NAV2: variants seen among roughly 807,000 people sequenced by gnomAD.
NAV2 encodes the protein neuron navigator 2.
A neutral mutation model predicts 223.2 loss-of-function variants in NAV2; 54 were observed. The ratio of observed to expected loss-of-function variants is 0.24; its 90% CI spans 0.19 to 0.30. The LOEUF (loss-of-function observed/expected upper bound fraction) is 0.30, where lower values mean the gene tolerates loss of function less well. Among genes scored for constraint, NAV2 ranks in the 10% least tolerant of loss-of-function variants. The probability of loss-of-function intolerance (pLI) is 1.00; values close to 1 mark genes in which losing one functional copy is unlikely to be tolerated. For synonymous variants in NAV2, 1,279 were observed against 1,239.3 expected (o/e 1.03, Z -0.67); for missense variants, 2,806 against 3,147.5 (o/e 0.89, Z 2.60).
At chr11:20,062,972 C>T (rs370278103) in intron 20 of NAV2, among the ~76,000 whole-genome samples, 4 of 152,214 alleles carry the variant, frequency 2.6e-5, no homozygotes, top group African/African-American at 2.4e-5. Context: ...GCATTACAGG[C>T]GTGAGCCATG....
chr11:19,815,105 C>T (rs866007224), intron 1 of NAV2, among the ~76,000 whole-genome samples: 83 of 152,104 alleles, frequency 5.5e-4, no homozygotes, highest in African/African-American at 1.9e-3. Flanking sequence ...AAGATAAGAA[C>T]GATGTGGGTA....
intron 9 of NAV2, among the ~76,000 whole-genome samples, chr11:19,947,345 A>G (rs1321522690): frequency 6.6e-6 from 1 of 152,240 alleles, no homozygotes; most frequent in Non-Finnish European, 1.5e-5. Context: ...GAAAACAAAA[A>G]CAGCTTAAGG....
chr11:19,877,355 C>T (rs1332344039), intron 4 of NAV2, among the ~76,000 whole-genome samples: 3 of 152,048 alleles, frequency 2.0e-5, no homozygotes, highest in Non-Finnish European at 2.9e-5. Context: ...TTCATCTATC[C>T]CCATAATTAG....
chr11:19,397,779 G>A (rs1487313699), intron 1 of NAV2, among the ~76,000 whole-genome samples: 4 of 152,144 alleles, frequency 2.6e-5, no homozygotes, highest in Non-Finnish European at 5.9e-5. Flanking sequence ...GGTGAGGTAC[G>A]TCTCCCCTCT....
intron 6 of NAV2, chr11:19,931,912 T>C (rs10833196): frequency 0.57 from 86,539 of 152,174 alleles, 25,525 homozygotes; most frequent in East Asian, 0.75. Flanking sequence ...CGGGGCCCAG[T>C]GGAGACGTGC....
chr11:19,941,026 C>T (rs1034409272), intron 8 of NAV2, among the ~76,000 whole-genome samples: 15 of 152,190 alleles, frequency 9.9e-5, no homozygotes, highest in African/African-American at 1.9e-4. Flanking sequence ...GCGAGGCCAA[C>T]GCTTCAGATC....
At chr11:19,799,164 T>G (rs566806966) in intron 1 of NAV2, among the ~76,000 whole-genome samples, 1 of 152,296 alleles carries the variant, frequency 6.6e-6, no homozygotes, top group East Asian at 1.9e-4. Flanking sequence ...CAGACGTGCC[T>G]TTTCCCGCTG....
At chr11:19,621,734 GT>G (rs1013896665) in intron 1 of NAV2, among the ~76,000 whole-genome samples, 7 of 151,668 alleles carry the variant, frequency 4.6e-5, no homozygotes, top group African/African-American at 9.7e-5. Context: ...TTTTTGAAGT[GT>G]TTTTTTTGTC....
chr11:19,625,954 C>T (rs58460980), intron 1 of NAV2, among the ~76,000 whole-genome samples: 1,770 of 152,046 alleles, frequency 0.012, 37 homozygotes, highest in East Asian at 0.063. Flanking sequence ...ATGAGTAGTT[C>T]GTGACCATTT....
At chr11:20,049,438 T>C (rs1022991888) in intron 15 of NAV2, 2 of 544,444 alleles carry the variant, frequency 3.7e-6, no homozygotes, top group African/African-American at 3.8e-5. Context: ...GGGGCAGATT[T>C]ATGCTACCAT....
At chr11:19,911,913 C>G (rs1440592727) in intron 6 of NAV2, among the ~76,000 whole-genome samples, 1 of 152,148 alleles carries the variant, frequency 6.6e-6, no homozygotes, top group African/African-American at 2.4e-5. Context: ...TCTGGGCCAC[C>G]TAAATTCTAG....
chr11:19,753,223 C>T (rs2053976509), intron 1 of NAV2, among the ~76,000 whole-genome samples: 1 of 152,158 alleles, frequency 6.6e-6, no homozygotes, highest in African/African-American at 2.4e-5. Context: ...CTTCATGAGT[C>T]CTTCACTTGT....
chr11:19,944,453 TTC>T (rs2046668602), intron 8 of NAV2, among the ~76,000 whole-genome samples: 1 of 152,040 alleles, frequency 6.6e-6, no homozygotes, highest in African/African-American at 2.4e-5. Context: ...TTTCCTTTTC[TTC>T]TCTTTCTTTC....
At chr11:19,577,592 A>G (rs1376572357) in intron 1 of NAV2, among the ~76,000 whole-genome samples, 1 of 152,198 alleles carries the variant, frequency 6.6e-6, no homozygotes, top group East Asian at 1.9e-4. Context: ...ATCTCTCAAC[A>G]AAATGTTTTC....
At chr11:19,525,137 A>G (rs2043804068) in intron 1 of NAV2, among the ~76,000 whole-genome samples, 1 of 152,228 alleles carries the variant, frequency 6.6e-6, no homozygotes, top group African/African-American at 2.4e-5. Context: ...AGCAGATTTC[A>G]CAGAACTGGA....
intron 11 of NAV2, among the ~76,000 whole-genome samples, chr11:20,015,936 C>A (rs538835764): frequency 6.6e-6 from 1 of 152,142 alleles, no homozygotes; most frequent in Non-Finnish European, 1.5e-5. Flanking sequence ...CCTCTAATGC[C>A]GTGTCACGGA....
rs1317695424 is a variant in NAV2, at chr11:19,520,965, G to A, written c.75+169938G>A. On this transcript the variant is annotated intron_variant, in intron 1 of 37. Coordinates refer to the NAV2 transcript ENST00000360655. Reference sequence around the variant, plus strand: ...GGCCCTCGCTGTGGGCTGAGGCAGCGGTTTGATGGAAAGGGAATGGAAGAA... The same window carrying A: ...GGCCCTCGCTGTGGGCTGAGGCAGCAGTTTGATGGAAAGGGAATGGAAGAA... 2.0e-5 allele frequency among the ~76,000 whole-genome samples: 3 copies of A among 152,328 alleles called. No homozygotes were observed. The East Asian group carries it at 5.8e-4, about 29-fold the overall frequency.
At chr11:19,586,626 G>T (rs2045904826) in intron 1 of NAV2, among the ~76,000 whole-genome samples, 1 of 152,206 alleles carries the variant, frequency 6.6e-6, no homozygotes, top group Non-Finnish European at 1.5e-5. Context: ...AGGTCTGTTG[G>T]AGTTTGCTGG....
intron 1 of NAV2, among the ~76,000 whole-genome samples, chr11:19,574,175 G>A (rs532607055): frequency 1.3e-5 from 2 of 152,326 alleles, no homozygotes; most frequent in East Asian, 3.9e-4. Context: ...GAGCATTCCT[G>A]GTTCCCACTG....
Sources: gnomAD v4.1 joint callset for allele counts (sites outside exome capture counted in the v4.1 genomes callset) on GRCh38, gnomAD v4.1.1 for gene constraint, MANE v1.5 for transcripts, NCBI Gene and HGNC (gene_info 2026-07-23, HGNC 2026-07-21) for gene names.